Variants in FAM168A observed in about 807,000 individuals in gnomAD.
The protein encoded by FAM168A is family with sequence similarity 168 member A.
FAM168A carries 3 observed loss-of-function variants against 28.5 expected under a neutral mutation model. The ratio of observed to expected loss-of-function variants is 0.11; its 90% CI spans 0.05 to 0.27. FAM168A has a LOEUF of 0.27. Among genes scored for constraint, FAM168A ranks in the 10% least tolerant of loss-of-function variants. The pLI is 1.00. For missense variants in FAM168A, 222 were observed against 311.5 expected, an observed-to-expected ratio of 0.71 and a Z score of 2.16; for synonymous variants, 122 against 124.2, an observed-to-expected ratio of 0.98 and a Z score of 0.12.
intron 6 of FAM168A, among the ~76,000 whole-genome samples, chr11:73,408,487 T>G (rs1001217288): frequency 2.6e-5 from 4 of 152,144 alleles, no homozygotes; most frequent in Admixed American, 2.6e-4. Context: ...TCTTTAAAAG[T>G]TGGGTCTCTA....
At chr11:73,587,095 G>C in intron 1 of FAM168A, among the ~76,000 whole-genome samples, 1 of 137,950 alleles carries the variant, frequency 7.2e-6, no homozygotes, top group African/African-American at 2.8e-5. Flanking sequence ...ATTTTATACT[G>C]AATCAAGGCA....
At chr11:73,515,070 C>T (rs1943283216) in intron 1 of FAM168A, among the ~76,000 whole-genome samples, 4 of 152,152 alleles carry the variant, frequency 2.6e-5, no homozygotes. Flanking sequence ...CCACAACCAC[C>T]TCAAGGAGTG....
chr11:73,558,814 TG>T (rs1254882180), intron 1 of FAM168A, among the ~76,000 whole-genome samples: 1 of 152,184 alleles, frequency 6.6e-6, no homozygotes, highest in Non-Finnish European at 1.5e-5. Flanking sequence ...TAAGCAAGGA[TG>T]TTAAAAAATA....
At chr11:73,595,524 G>A (rs1039321689) in intron 1 of FAM168A, among the ~76,000 whole-genome samples, 2 of 151,920 alleles carry the variant, frequency 1.3e-5, no homozygotes, top group African/African-American at 4.8e-5. Flanking sequence ...TTCAGTCTGA[G>A]CTCTAATCAA....
In FAM168A at chr11:73,538,591, C is replaced by A. The variant is rs542907587; in HGVS notation, c.-19+59332G>T. Among the ~76,000 whole-genome samples the A allele has an allele frequency of 4.6e-5, 7 of 152,314 alleles. No homozygotes were observed. In the East Asian group the frequency reaches 1.2e-3, roughly 25 times the overall value. ...CTGTAGCCTTCCCACTCTCACAAAA[C>A]CTCTAGGAACTAAAGAAATCTTTTG... On this transcript the variant is annotated intron_variant, in intron 1 of 7. Coordinates refer to ENST00000356467, the MANE Select transcript of FAM168A (RefSeq NM_015159.3).
intron 1 of FAM168A, among the ~76,000 whole-genome samples, chr11:73,484,687 GATATATAGATATAGATATATATAGAT>G (rs1868027018): frequency 8.0e-6 from 1 of 125,038 alleles, no homozygotes; most frequent in East Asian, 2.3e-4. Context: ...TATCGCTATA[GATATATAGATATAGATATATATAGAT>G]ATATATATAG....
Position 73,403,239 on chromosome 11 carries a change from T to C in FAM168A, c.*3524A>G, listed in dbSNP as rs1050429663. 2 of 152,180 alleles carry C rather than the reference T, an allele frequency of 1.3e-5. No homozygotes were observed. The highest frequency in any genetic ancestry group is 2.9e-5 in the Non-Finnish European group (2 of 68,028). The allele number at this position is 152,180 out of a possible 1,614,324, so 9.4% of individuals were successfully genotyped here. The stretch of plus-strand genomic sequence containing the variant: ...TATCTCATGAGGAAGAAATTAAATA[T>C]GCATTTTTTTTCAAAACATGGCAAA... On this transcript the variant is annotated 3_prime_UTR_variant, in exon 8 of 8. Transcript: ENST00000356467.
At chr11:73,542,611 T>C (rs929755938) in intron 1 of FAM168A, among the ~76,000 whole-genome samples, 1 of 152,200 alleles carries the variant, frequency 6.6e-6, no homozygotes, top group South Asian at 2.1e-4. Context: ...GAAGCCAAAA[T>C]GATCCTTTTA....
chr11:73,526,605 T>C (rs1373518522), intron 1 of FAM168A, among the ~76,000 whole-genome samples: 2 of 152,144 alleles, frequency 1.3e-5, no homozygotes, highest in African/African-American at 4.8e-5. Context: ...GAAAGGACTT[T>C]GAAAACATCA....
At chr11:73,451,665 A>G (rs1052815005) in intron 2 of FAM168A, among the ~76,000 whole-genome samples, 4 of 152,240 alleles carry the variant, frequency 2.6e-5, no homozygotes, top group African/African-American at 7.2e-5. Context: ...ACAATTGCCT[A>G]CATTATTCAG....
intron 3 of FAM168A, among the ~76,000 whole-genome samples, chr11:73,429,681 CCCCTACACTTTCA>C (rs1866949935): frequency 6.6e-6 from 1 of 152,194 alleles, no homozygotes. Flanking sequence ...TCTGAAGCTT[CCCCTACACTTTCA>C]CCCCCAGGCA....
At chr11:73,547,170 A>G (rs1257126871) in intron 1 of FAM168A, among the ~76,000 whole-genome samples, 2 of 144,506 alleles carry the variant, frequency 1.4e-5, no homozygotes, top group Non-Finnish European at 3.0e-5. Flanking sequence ...GGCGGGGGGG[A>G]GGAGGAGGAG....
chr11:73,426,180 C>T (rs1222312477), intron 3 of FAM168A, among the ~76,000 whole-genome samples: 1 of 151,956 alleles, frequency 6.6e-6, no homozygotes, highest in East Asian at 1.9e-4. Flanking sequence ...CCTGTTTATC[C>T]GTCCCTTCAT....
At chr11:73,513,601 C>T (rs1445064622) in intron 1 of FAM168A, among the ~76,000 whole-genome samples, 1 of 152,122 alleles carries the variant, frequency 6.6e-6, no homozygotes, top group Non-Finnish European at 1.5e-5. Context: ...GTTGAGATGG[C>T]AGCATCATAA....
At chr11:73,490,919 T>A (rs1590812520) in intron 1 of FAM168A, among the ~76,000 whole-genome samples, 2 of 152,202 alleles carry the variant, frequency 1.3e-5, no homozygotes, top group Admixed American at 1.3e-4. Context: ...TCCCCAGTGC[T>A]AGAACAGCAT....
At chr11:73,583,147 A>G (rs1048266138) in intron 1 of FAM168A, among the ~76,000 whole-genome samples, 7 of 152,174 alleles carry the variant, frequency 4.6e-5, no homozygotes, top group African/African-American at 1.7e-4. Flanking sequence ...TACTAAAAAT[A>G]CAAAAATTAG....
At chr11:73,541,519 C>T (rs1170100275) in intron 1 of FAM168A, among the ~76,000 whole-genome samples, 1 of 151,794 alleles carries the variant, frequency 6.6e-6, no homozygotes, top group Non-Finnish European at 1.5e-5. Context: ...ACTACAGGCG[C>T]CTGCCACCAC....
chr11:73,534,711 A>G (rs1461872074), intron 1 of FAM168A, among the ~76,000 whole-genome samples: 1 of 152,030 alleles, frequency 6.6e-6, no homozygotes, highest in African/African-American at 2.4e-5. Flanking sequence ...GCAGTACCAT[A>G]TATTTCTAGA....
At chr11:73,432,221 T>C (rs1052118627) in intron 2 of FAM168A, among the ~76,000 whole-genome samples, 1 of 152,232 alleles carries the variant, frequency 6.6e-6, no homozygotes, top group African/African-American at 2.4e-5. Context: ...TTGTGAATAA[T>C]GGTACAATAA....
Sources: gnomAD v4.1 joint callset for allele counts (sites outside exome capture counted in the v4.1 genomes callset) on GRCh38, gnomAD v4.1.1 for gene constraint, MANE v1.5 for transcripts, NCBI Gene and HGNC (gene_info 2026-07-23, HGNC 2026-07-21) for gene names.